The following PIEZO2 variants were observed in gnomAD, a reference collection of about 807,000 sequenced individuals.
The protein encoded by PIEZO2 is piezo-type mechanosensitive ion channel component 2.
Under a neutral mutation model 337.3 loss-of-function variants are expected in PIEZO2, and 172 were observed. That is an observed-to-expected ratio of 0.51 (90% CI 0.45 to 0.58). The LOEUF is 0.58. Among genes scored for constraint, PIEZO2 ranks in the 20% least tolerant of loss-of-function variants. The pLI, the probability that PIEZO2 is intolerant of heterozygous loss-of-function variation, is 0.00. For missense variants in PIEZO2, 3,028 were observed against 3,391.3 expected (o/e 0.89, Z 2.66); for synonymous variants, 1,251 against 1,228.5 (o/e 1.02, Z -0.38).
intron 1 of PIEZO2, among the ~76,000 whole-genome samples, chr18:11,118,431 C>G (rs895920497): frequency 6.6e-6 from 1 of 152,076 alleles, no homozygotes; most frequent in Admixed American, 6.5e-5. Flanking sequence ...TCCAAGTAGC[C>G]TAAGATGAGA....
chr18:11,010,246 A>G (rs2035848713), intron 2 of PIEZO2, among the ~76,000 whole-genome samples: 1 of 152,162 alleles, frequency 6.6e-6, no homozygotes, highest in Non-Finnish European at 1.5e-5. Context: ...CATAAACCAG[A>G]GGGAAATTAA....
intron 4 of PIEZO2, among the ~76,000 whole-genome samples, chr18:10,900,205 AC>A (rs1342432694): frequency 2.0e-5 from 3 of 151,704 alleles, no homozygotes; most frequent in Non-Finnish European, 4.4e-5. Flanking sequence ...ACACACACAC[AC>A]ACACAAACAC....
At chr18:10,914,269 AT>A (rs34938210) in intron 3 of PIEZO2, among the ~76,000 whole-genome samples, 38,509 of 149,046 alleles carry the variant, frequency 0.26, 4,999 homozygotes, top group Admixed American at 0.29. Flanking sequence ...AAAACATGTT[AT>A]TTTTTTTTTT....
In PIEZO2 at chr18:11,083,549, C is replaced by A. The variant is rs1456222479; in HGVS notation, c.65-17327G>T. Among the ~76,000 whole-genome samples, 2 of 152,136 alleles carry A rather than the reference C, an allele frequency of 1.3e-5. No homozygotes were observed. On this transcript the variant is annotated intron_variant, in intron 1 of 55. Transcript: ENST00000674853. This position sits in a 1 kb window ranked among gnomAD's most constrained non-coding sequence, Gnocchi z 4.4. Reference sequence around the variant, plus strand: ...GGGGAGCCACTCAGGTGGTGCCAGCCCTGCAGGGCACGGTGTGGGCTCTTC... The same window carrying A: ...GGGGAGCCACTCAGGTGGTGCCAGCACTGCAGGGCACGGTGTGGGCTCTTC...
rs1429232852 is a variant in PIEZO2 at position 10,888,039 on chromosome 18, C to T, written c.330-16624G>A. ...AATGTCCTCTGCCTTATCAAGCTTC[C>T]ACCCACCAACTTTAGCAGACATTAA... On this transcript the variant is annotated intron_variant, in intron 4 of 55. Coordinates refer to ENST00000674853, the MANE Select transcript of PIEZO2 (RefSeq NM_001378183.1). The surrounding 1 kb of genome is among the most constrained non-coding windows in gnomAD (Gnocchi z 4.1). Among the ~76,000 whole-genome samples, 5 of 152,132 alleles carry T rather than the reference C, an allele frequency of 3.3e-5. No individual in the cohort carries two copies. The highest frequency in any genetic ancestry group is 5.9e-5 in the Non-Finnish European group (4 of 68,030).
At chr18:10,911,412 A>C (rs2030464867) in intron 3 of PIEZO2, among the ~76,000 whole-genome samples, 184 bp from the exon 4 acceptor site, 1 of 140,816 alleles carries the variant, frequency 7.1e-6, no homozygotes, top group South Asian at 2.6e-4. Flanking sequence ...ATTTAATAAA[A>C]AGTCCGCATA....
chr18:11,063,471 C>T (rs2038042872), intron 2 of PIEZO2, among the ~76,000 whole-genome samples: 1 of 152,102 alleles, frequency 6.6e-6, no homozygotes, highest in South Asian at 2.1e-4. Context: ...CATCAAAGGT[C>T]CACCTTCTAA....
Position 10,905,694 on chromosome 18 carries a change from T to C in PIEZO2, c.329+5492A>G, listed in dbSNP as rs558538243. ...TGTGGTGCCTGAGTACTGTGAGTTGTAGTGACAAATGACACTTCCAGAAGC... is the reference window on the plus strand; with the variant it reads ...TGTGGTGCCTGAGTACTGTGAGTTGCAGTGACAAATGACACTTCCAGAAGC... On this transcript the variant is annotated intron_variant, in intron 4 of 55. Transcript: ENST00000674853. 3.3e-5 allele frequency among the ~76,000 whole-genome samples: 5 copies of C among 152,112 alleles called. No homozygotes were observed. In the South Asian group the frequency reaches 1.0e-3, roughly 32 times the overall value.
rs2145254620 is a variant in PIEZO2 at position 10,942,017 on chromosome 18, C to T, written c.287-30789G>A. Among the ~76,000 whole-genome samples the T allele has an allele frequency of 6.6e-6, 1 of 152,308 alleles. No homozygotes were observed. Among genetic ancestry groups the T allele is most frequent in the Non-Finnish European group, 1.5e-5 (1 of 68,030 alleles). ...GTTTCTCTGTACAAGTCTCTCTTCG[C>T]CTGCTGCCATCCACGTAAGATGTGA... On this transcript the variant is annotated intron_variant, in intron 3 of 55. Coordinates refer to ENST00000674853, the MANE Select transcript of PIEZO2 (RefSeq NM_001378183.1). The surrounding 1 kb of genome is among the most constrained non-coding windows in gnomAD (Gnocchi z 4.4).
At position 11,148,132 on chromosome 18, in the gene PIEZO2, C is replaced by CTG. The variant is rs2146312286; in HGVS notation, c.64+391_64+392dup. 6.6e-6 allele frequency among the ~76,000 whole-genome samples: 1 copy of CTG among 152,250 alleles called. No homozygotes were observed. Among genetic ancestry groups the CTG allele is most frequent in the Non-Finnish European group, 1.5e-5 (1 of 68,008 alleles). Reference sequence around the variant, plus strand: ...CTGGGCCGTCTGGAGGCACAGCATGCTGTGCTTGCAGGGTCACTGGGGCGA... The same window carrying CTG: ...CTGGGCCGTCTGGAGGCACAGCATGCTGTGTGCTTGCAGGGTCACTGGGGCGA... On this transcript the variant is annotated intron_variant, in intron 1 of 55. Transcript: ENST00000674853. The surrounding 1 kb of genome is among the most constrained non-coding windows in gnomAD (Gnocchi z 5.2).
Position 10,794,856 on chromosome 18 carries a change from C to G in PIEZO2, c.1674G>C (p.Gln558His), listed in dbSNP as rs1334019255. Reference sequence around the variant, plus strand: ...CAGGAAGTTCAAAACTCCATATATACTGTAATATCAACAATAGGTTTCCAT... The same window carrying G: ...CAGGAAGTTCAAAACTCCATATATAGTGTAATATCAACAATAGGTTTCCAT... ...VVYGNLLLIL[Q>H]YIWSFELPEI... The change falls in exon 13 of 56, where the codon CAG becomes CAC. Residue 558 changes from glutamine (Q) to histidine (H), a missense_variant. Gln to His is a conservative substitution (Grantham distance 24, BLOSUM62 0). Around this residue, in one of 5 missense-constraint regions of PIEZO2, gnomAD observed 50 missense variants for 88.2 expected, o/e 0.57. Transcript: ENST00000674853. This position sits in a 1 kb window ranked among gnomAD's most constrained non-coding sequence, Gnocchi z 6.6. The G allele has an allele frequency of 6.5e-7, 1 of 1,537,220 alleles. No homozygotes were observed. The highest frequency in any genetic ancestry group is 8.7e-7 in the Non-Finnish European group (1 of 1,146,704).
chr18:10,832,016 G>T (rs1426438444), intron 7 of PIEZO2, among the ~76,000 whole-genome samples: 1 of 152,118 alleles, frequency 6.6e-6, no homozygotes, highest in Admixed American at 6.5e-5. Context: ...CAGAGTTGGA[G>T]GCCAGGTGCG....
chr18:10,848,343 T>C (rs1241664305), intron 7 of PIEZO2, among the ~76,000 whole-genome samples: 1 of 152,236 alleles, frequency 6.6e-6, no homozygotes, highest in African/African-American at 2.4e-5. Flanking sequence ...GGAATGCTTG[T>C]TTTTTAACTT....
At chr18:11,093,705 G>A (rs2039172908) in intron 1 of PIEZO2, among the ~76,000 whole-genome samples, 1 of 150,052 alleles carries the variant, frequency 6.7e-6, no homozygotes, top group South Asian at 2.2e-4. Context: ...TCCTGCCTCA[G>A]GCTCCCGAGT....
intron 52 of PIEZO2, 43 bp downstream of exon 52, chr18:10,680,156 A>T: frequency 6.6e-7 from 1 of 1,520,602 alleles, no homozygotes; most frequent in Non-Finnish European, 9.0e-7. Context: ...CCATGTTTAG[A>T]CTGGGGAAAG....
rs144159846 is a variant in PIEZO2 at position 11,051,345 on chromosome 18, ATGTG to A, written c.160+14778_160+14781del. ...CCTTAGACAGCAACCATCACTTAGG[ATGTG>A]TGTGTGTGTGTGTGTGTGTGGGTGT... On this transcript the variant is annotated intron_variant, in intron 2 of 55. Coordinates refer to ENST00000674853, the MANE Select transcript of PIEZO2 (RefSeq NM_001378183.1). Among the ~76,000 whole-genome samples the A allele has an allele frequency of 1.0e-4, 15 of 146,876 alleles. No individual in the cohort carries two copies. The East Asian group carries it at 1.4e-3, about 14-fold the overall frequency.
intron 49 of PIEZO2, among the ~76,000 whole-genome samples, chr18:10,686,720 G>A (rs560740309): frequency 6.6e-6 from 1 of 152,296 alleles, no homozygotes; most frequent in South Asian, 2.1e-4. Flanking sequence ...TAGACTTGAG[G>A]GGTTAGGGCA....
intron 1 of PIEZO2, among the ~76,000 whole-genome samples, chr18:11,081,274 T>C (rs1303055921): frequency 6.6e-6 from 1 of 152,210 alleles, no homozygotes; most frequent in Non-Finnish European, 1.5e-5. Context: ...CTTGCAGGGC[T>C]AAGAAAGATA....
Position 10,919,303 on chromosome 18 carries a change from A to G in PIEZO2, c.287-8075T>C, listed in dbSNP as rs570275847. 2.6e-4 allele frequency among the ~76,000 whole-genome samples: 40 copies of G among 152,270 alleles called. 2 individuals carry two copies. Among genetic ancestry groups the G allele is most frequent in the South Asian group, 2.1e-4 (1 of 4,828 alleles). ...ATTTGCCCTTTAGGTTCAAAATTTC[A>G]TATACTAACTTCCCCGAATAGAACT... On this transcript the variant is annotated intron_variant, in intron 3 of 55. Coordinates refer to ENST00000674853, the MANE Select transcript of PIEZO2 (RefSeq NM_001378183.1).
Sources: gnomAD v4.1 joint callset for allele counts (sites outside exome capture counted in the v4.1 genomes callset) on GRCh38, gnomAD v4.1.1 for gene constraint, gnomAD v4.1.1 regional missense constraint, Gnocchi (gnomAD v3.1) non-coding constraint, MANE v1.5 for transcripts, NCBI Gene and HGNC (gene_info 2026-07-23, HGNC 2026-07-21) for gene names.